The following PDGFRL variants were observed in gnomAD, a reference collection of about 807,000 sequenced individuals.
The protein encoded by PDGFRL is platelet-derived growth factor receptor-like protein.
PDGFRL carries 46 observed loss-of-function variants against 37.2 expected under a neutral mutation model. The ratio of observed to expected loss-of-function variants is 1.24; its 90% CI spans 0.98 to 1.58. The LOEUF (loss-of-function observed/expected upper bound fraction) is 1.58, where lower values mean the gene tolerates loss of function less well. Ranked by LOEUF, PDGFRL falls within the 40% of genes most tolerant of loss-of-function variation. PDGFRL has a pLI of 0.00. For missense variants in PDGFRL, 692 were observed against 467.6 expected, an observed-to-expected ratio of 1.48 and a Z score of -4.43; for synonymous variants, 251 against 184.3, an observed-to-expected ratio of 1.36 and a Z score of -2.93.
At chr8:17,603,692 G>A (rs1291157069) in intron 2 of PDGFRL, among the ~76,000 whole-genome samples, 1 of 152,208 alleles carries the variant, frequency 6.6e-6, no homozygotes, top group Non-Finnish European at 1.5e-5. Flanking sequence ...ATGGAGATAA[G>A]ATGGTGAGCA....
chr8:17,594,584 T>G (rs887460096), intron 2 of PDGFRL, among the ~76,000 whole-genome samples: 2 of 151,504 alleles, frequency 1.3e-5, no homozygotes, highest in Admixed American at 6.6e-5. Flanking sequence ...AGATGGAGTC[T>G]TGCTCTGTCA....
intron 2 of PDGFRL, among the ~76,000 whole-genome samples, chr8:17,604,829 C>A (rs527457284): frequency 1.3e-5 from 2 of 152,244 alleles, no homozygotes; most frequent in African/African-American, 4.8e-5. Context: ...AAAGAAAATG[C>A]ATGGCTGGGC....
chr8:17,633,971 G>A, intron 4 of PDGFRL, 103 bp from the exon 5 acceptor site: 1 of 1,203,080 alleles, frequency 8.3e-7, no homozygotes, highest in Non-Finnish European at 1.2e-6. Flanking sequence ...CTGTGAGAAA[G>A]GCAGAAAATT....
chr8:17,601,129 A>G (rs7003407), intron 2 of PDGFRL, among the ~76,000 whole-genome samples: 33,443 of 151,834 alleles, frequency 0.22, 4,269 homozygotes, highest in African/African-American at 0.34. Context: ...TTCGTTATTC[A>G]CTCCCGCATC....
chr8:17,617,711 C>T (rs116640316), intron 2 of PDGFRL, among the ~76,000 whole-genome samples: 164 of 152,320 alleles, frequency 1.1e-3, no homozygotes, highest in African/African-American at 3.8e-3. Flanking sequence ...TCCTTCCTTC[C>T]GCCCCCAAAC....
At chr8:17,584,542 C>G (rs1383055780) in intron 1 of PDGFRL, among the ~76,000 whole-genome samples, 1 of 151,974 alleles carries the variant, frequency 6.6e-6, no homozygotes, top group Non-Finnish European at 1.5e-5. Context: ...CTGCCACAGA[C>G]TGAAGAGTTG....
intron 2 of PDGFRL, among the ~76,000 whole-genome samples, chr8:17,604,535 C>T (rs7842616): frequency 0.26 from 38,603 of 151,052 alleles, 5,625 homozygotes; most frequent in African/African-American, 0.4. Flanking sequence ...AATTGAACAA[C>T]GAGAATGCAT....
chr8:17,594,915 C>T (rs1281658580), intron 2 of PDGFRL, among the ~76,000 whole-genome samples: 1 of 152,202 alleles, frequency 6.6e-6, no homozygotes, highest in Non-Finnish European at 1.5e-5. Context: ...GTTGTGAATG[C>T]TGCAGTGAAC....
intron 1 of PDGFRL, 102 bp downstream of exon 1, chr8:17,577,409 C>T: frequency 1.0e-6 from 1 of 992,758 alleles, no homozygotes. Flanking sequence ...TAACGTTCGG[C>T]CCTCGGTGGC....
intron 1 of PDGFRL, among the ~76,000 whole-genome samples, chr8:17,583,925 T>C (rs1478950145): frequency 2.6e-5 from 4 of 152,158 alleles, no homozygotes; most frequent in African/African-American, 9.7e-5. Flanking sequence ...AGCAGAACTG[T>C]GAGCTGAGTA....
intron 4 of PDGFRL, among the ~76,000 whole-genome samples, chr8:17,632,424 T>C (rs1804881981): frequency 6.6e-6 from 1 of 151,568 alleles, no homozygotes; most frequent in Admixed American, 6.6e-5. Flanking sequence ...CACTGCAACC[T>C]CCACCTCCTG....
chr8:17,613,464 A>C (rs1804462724), intron 2 of PDGFRL, among the ~76,000 whole-genome samples: 1 of 152,188 alleles, frequency 6.6e-6, no homozygotes, highest in African/African-American at 2.4e-5. Flanking sequence ...GGCAGAGTCC[A>C]GGCAGTGCCA....
At chr8:17,632,162 TC>T (rs1804875313) in intron 4 of PDGFRL, among the ~76,000 whole-genome samples, 1 of 152,124 alleles carries the variant, frequency 6.6e-6, no homozygotes, top group South Asian at 2.1e-4. Flanking sequence ...ACCTCCCTCC[TC>T]CTCCCGATCC....
At chr8:17,614,378 T>C (rs1804482347) in intron 2 of PDGFRL, among the ~76,000 whole-genome samples, 1 of 152,170 alleles carries the variant, frequency 6.6e-6, no homozygotes, top group Non-Finnish European at 1.5e-5. Flanking sequence ...GTTTCCTGCA[T>C]ATCATTCAGC....
At chr8:17,607,754 G>A (rs2588120) in intron 2 of PDGFRL, among the ~76,000 whole-genome samples, 87,172 of 152,074 alleles carry the variant, frequency 0.57, 25,411 homozygotes, top group Middle Eastern at 0.65. Context: ...ATGATTTTTG[G>A]CCAAGTATTT....
chr8:17,612,552 G>A (rs765618415), intron 2 of PDGFRL, among the ~76,000 whole-genome samples: 2 of 152,096 alleles, frequency 1.3e-5, no homozygotes, highest in Non-Finnish European at 2.9e-5. Flanking sequence ...TGCATTTTTA[G>A]TAGATATGTG....
At position 17,621,213 on chromosome 8, in the gene PDGFRL, T is replaced by G; in HGVS notation, c.505+11T>G. The G allele has an allele frequency of 6.3e-7, 1 of 1,592,932 alleles. No homozygotes were observed. Among genetic ancestry groups the G allele is most frequent in the Non-Finnish European group, 8.6e-7 (1 of 1,164,282 alleles). Reference sequence around the variant, plus strand: ...ACATCTTTTTTACAGGTAAAATACTTGGTGCATTAATGGAACTCTTCAAAC... The same window carrying G: ...ACATCTTTTTTACAGGTAAAATACTGGGTGCATTAATGGAACTCTTCAAAC... On this transcript the variant is annotated intron_variant, in intron 3 of 5. Transcript: ENST00000251630.
intron 1 of PDGFRL, among the ~76,000 whole-genome samples, chr8:17,586,411 G>C (rs1585298938): frequency 6.6e-6 from 1 of 152,156 alleles, no homozygotes; most frequent in Admixed American, 6.5e-5. Context: ...GAATCTCATG[G>C]TGCATGAGAT....
chr8:17,592,094 C>T (rs117612542), intron 2 of PDGFRL, among the ~76,000 whole-genome samples: 6,184 of 152,232 alleles, frequency 0.041, 163 homozygotes, highest in East Asian at 0.087. Context: ...TCCTCCCTCT[C>T]CCCCACACTC....
Sources: gnomAD v4.1 joint callset for allele counts (sites outside exome capture counted in the v4.1 genomes callset) on GRCh38, gnomAD v4.1.1 for gene constraint, MANE v1.5 for transcripts, NCBI Gene and HGNC (gene_info 2026-07-23, HGNC 2026-07-21) for gene names.